Variants in MMS22L observed in about 807,000 individuals in gnomAD.
The protein encoded by MMS22L is MMS22 like, DNA repair protein.
In MMS22L, 74 loss-of-function variants were observed where a neutral mutation model predicts 159.1. The observed-to-expected ratio is 0.47, with a 90% CI of 0.39 to 0.56. MMS22L has a LOEUF of 0.56. Ranked by LOEUF, MMS22L falls within the 20% of genes least tolerant of loss-of-function variation. The probability of loss-of-function intolerance (pLI) is 0.00; values close to 1 mark genes in which losing one functional copy is unlikely to be tolerated. For synonymous variants in MMS22L, 517 were observed against 506.9 expected, an observed-to-expected ratio of 1.02 and a Z score of -0.27; for missense variants, 1,351 against 1,422.1, an observed-to-expected ratio of 0.95 and a Z score of 0.80.
chr6:97,259,520 C>T (rs1814215315), intron 9 of MMS22L: 1 of 152,074 alleles, frequency 6.6e-6, no homozygotes, highest in African/African-American at 2.4e-5. Flanking sequence ...TGTTCTTTTC[C>T]TGCCTTCAGA....
intron 10 of MMS22L, among the ~76,000 whole-genome samples, chr6:97,249,530 C>T (rs1280091898): frequency 6.6e-6 from 1 of 152,058 alleles, no homozygotes; most frequent in African/African-American, 2.4e-5. Context: ...AGCTCATTTT[C>T]TTCTATCAAT....
chr6:97,261,262 T>C (rs989673835), intron 9 of MMS22L: 5 of 152,178 alleles, frequency 3.3e-5, no homozygotes, highest in African/African-American at 1.2e-4. Context: ...ATATAATACG[T>C]ATGTTTTTGT....
chr6:97,183,427 G>A (rs955945248), intron 15 of MMS22L, among the ~76,000 whole-genome samples: 1 of 152,238 alleles, frequency 6.6e-6, no homozygotes. Context: ...AATGGCTGAA[G>A]AAGAACCATG....
intron 6 of MMS22L, 108 bp downstream of exon 6, chr6:97,272,596 G>T: frequency 1.0e-6 from 1 of 995,604 alleles, no homozygotes; most frequent in Non-Finnish European, 1.5e-6. Context: ...AACTCAGGCA[G>T]TCAGGTTCCA....
At position 97,149,904 on chromosome 6, in the gene MMS22L, G is replaced by C. The variant is rs749050125; in HGVS notation, c.3599C>G (p.Ser1200Cys). ...VIHLISTLTQ[S>C]LKDSEQKWGL... ...CCATTTCTGCTCTGAATCCTTCAGA[G>C]ACTGAGTAAGGGTAGAAATCAAGTG... Residue 1200 changes from serine (S) to cysteine (C), a missense_variant, in exon 24 of 25, where the codon TCT becomes TGT. Ser to Cys is a moderately radical substitution (Grantham distance 112). Coordinates refer to ENST00000683635, the MANE Select transcript of MMS22L (RefSeq NM_001350599.2). The C allele has an allele frequency of 4.0e-5, 65 of 1,613,450 alleles. No individual in the cohort carries two copies. The highest frequency in any genetic ancestry group is 5.3e-5 in the Non-Finnish European group (62 of 1,179,728).
chr6:97,232,439 A>G (rs1440100453), intron 12 of MMS22L, among the ~76,000 whole-genome samples: 1 of 152,104 alleles, frequency 6.6e-6, no homozygotes, highest in Non-Finnish European at 1.5e-5. Flanking sequence ...CAGTTTTCAG[A>G]ATTAGGTGTT....
intron 16 of MMS22L, 88 bp from the exon 17 acceptor site, chr6:97,179,647 C>T (rs1009519934): frequency 8.0e-6 from 9 of 1,127,696 alleles, no homozygotes; most frequent in African/African-American, 3.2e-5. Flanking sequence ...TTCTAACATC[C>T]CTGCAACTCC....
rs141888999 is a variant in MMS22L, at chr6:97,271,362, C to T, written c.606+1342G>A. 2.5e-3 allele frequency: 377 copies of T among 152,110 alleles called. 3 individuals are homozygous for T. Among genetic ancestry groups the T allele is most frequent in the African/African-American group, 8.6e-3 (356 of 41,536 alleles). 9.4% of individuals were successfully genotyped at this position (152,110 alleles called of 1,614,324 possible). On this transcript the variant is annotated intron_variant, in intron 6 of 24. Coordinates refer to ENST00000683635, the MANE Select transcript of MMS22L (RefSeq NM_001350599.2). ...AAAACCTAGTTTGAGGACCCCAGTG[C>T]ACAAATTTTTATTTCTGCTGCTATA...
rs141702438 is a variant in MMS22L at position 97,181,921 on chromosome 6, A to G, written c.2367T>C (p.Ser789=). ...GCACGTACCTATTTTGTAGGACATG[A>G]CTTAAATATCTTGCTACAACTTGAG... ...ICPQVVARYL[S]HVLQNSTLCE... is the part of the protein sequence containing the mutation. The change falls in exon 16 of 25, where the codon AGT becomes AGC. Residue 789 remains serine (S), a synonymous_variant. Transcript: ENST00000683635. 220 of 1,612,738 alleles carry G rather than the reference A, an allele frequency of 1.4e-4. No homozygotes were observed. Among genetic ancestry groups the G allele is most frequent in the Non-Finnish European group, 1.7e-4 (205 of 1,179,506 alleles).
chr6:97,253,312 G>A (rs1213659714), intron 10 of MMS22L, among the ~76,000 whole-genome samples: 1 of 152,028 alleles, frequency 6.6e-6, no homozygotes. Flanking sequence ...ATTCCAAAGA[G>A]GAAAATCTAT....
intron 14 of MMS22L, among the ~76,000 whole-genome samples, chr6:97,215,670 G>C (rs1434684557): frequency 6.6e-6 from 1 of 152,010 alleles, no homozygotes; most frequent in Non-Finnish European, 1.5e-5. Context: ...TGCTCATCAA[G>C]CAGTAAAACT....
rs1234194523 is a variant in MMS22L, at chr6:97,144,528, A to T, written c.*2278T>A. ...GAAGATAAAAGAAAATACAATTGTCACAGAGAGGACAAAGAACATGAGAAA... is the reference window on the plus strand; with the variant it reads ...GAAGATAAAAGAAAATACAATTGTCTCAGAGAGGACAAAGAACATGAGAAA... On this transcript the variant is annotated 3_prime_UTR_variant, in exon 25 of 25. Coordinates refer to ENST00000683635, the MANE Select transcript of MMS22L (RefSeq NM_001350599.2). 6.6e-6 allele frequency: 1 copy of T among 152,282 alleles called. No homozygotes were observed. Among genetic ancestry groups the T allele is most frequent in the Non-Finnish European group, 1.5e-5 (1 of 68,088 alleles). The allele number at this position is 152,282 out of a possible 1,614,324, so 9.4% of individuals were successfully genotyped here.
rs1051520226 is a variant in MMS22L, at chr6:97,281,705, G to C, written c.165-343C>G. 5.3e-5 allele frequency among the ~76,000 whole-genome samples: 8 copies of C among 152,300 alleles called. No individual in the cohort carries two copies. In the South Asian group the frequency reaches 1.7e-3, roughly 32 times the overall value. The stretch of plus-strand genomic sequence containing the variant: ...TTTTAAAACTGCTAACAGTTATTCT[G>C]AGCCATGTCTGGAGAATAGTATCCA... On this transcript the variant is annotated intron_variant, in intron 2 of 24. Transcript: ENST00000683635.
At chr6:97,164,918 C>T (rs1243272865) in intron 21 of MMS22L, among the ~76,000 whole-genome samples, 1 of 151,962 alleles carries the variant, frequency 6.6e-6, no homozygotes, top group African/African-American at 2.4e-5. Context: ...CACACCCAGC[C>T]AAATATAATT....
In MMS22L at chr6:97,229,185, T is replaced by C. The variant is rs1348801262; in HGVS notation, c.1748A>G (p.Gln583Arg). The change falls in exon 14 of 25, where the codon CAG (glutamine) becomes CGG (arginine). Residue 583 changes from glutamine to arginine, a missense_variant. Gln to Arg is a conservative substitution (Grantham distance 43, BLOSUM62 1). Coordinates refer to ENST00000683635, the MANE Select transcript of MMS22L (RefSeq NM_001350599.2). ...GHMAFLLMYA[Q>R]KNLDIGVLAE... ...CAAAACACCAATGTCCAGATTTTTC[T>C]GGGCATACATCAAGAGGAAGGCCAT... The C allele has an allele frequency of 6.2e-7, 1 of 1,614,146 alleles. No homozygotes were observed. The highest frequency in any genetic ancestry group is 1.7e-5 in the Admixed American group (1 of 60,026).
At chr6:97,211,978 T>C (rs915422223) in intron 14 of MMS22L, among the ~76,000 whole-genome samples, 2 of 152,222 alleles carry the variant, frequency 1.3e-5, no homozygotes, top group African/African-American at 4.8e-5. Context: ...GCTGACTTAC[T>C]GCCACATAAT....
chr6:97,234,686 A>G (rs140756971), intron 11 of MMS22L, among the ~76,000 whole-genome samples: 114 of 152,324 alleles, frequency 7.5e-4, no homozygotes, highest in Non-Finnish European at 1.4e-3. Context: ...AGAAAAGGAC[A>G]CTAAAACAAG....
chr6:97,160,503 T>C (rs1802329530), intron 22 of MMS22L, among the ~76,000 whole-genome samples: 1 of 152,060 alleles, frequency 6.6e-6, no homozygotes, highest in Non-Finnish European at 1.5e-5. Flanking sequence ...TTGTAGAGGA[T>C]GAGTCATTTT....
chr6:97,188,945 G>C (rs1180508680), intron 14 of MMS22L, among the ~76,000 whole-genome samples: 3 of 151,860 alleles, frequency 2.0e-5, no homozygotes, highest in African/African-American at 7.3e-5. Context: ...TTGGGTGACA[G>C]AGCAAGACTT....
Sources: gnomAD v4.1 joint callset for allele counts (sites outside exome capture counted in the v4.1 genomes callset) on GRCh38, gnomAD v4.1.1 for gene constraint, MANE v1.5 for transcripts, NCBI Gene and HGNC (gene_info 2026-07-23, HGNC 2026-07-21) for gene names.